Variants in UGT1A4 observed in about 807,000 individuals in gnomAD.
UGT1A4 encodes the protein UDP-glucuronosyltransferase 1A4.
In UGT1A4, 32 loss-of-function variants were observed where a neutral mutation model predicts 41.1. The ratio of observed to expected loss-of-function variants is 0.78; its 90% CI spans 0.59 to 1.05. UGT1A4 has a LOEUF of 1.05. Among genes scored for constraint, UGT1A4 ranks in the 50% least tolerant of loss-of-function variants. The pLI, the probability that UGT1A4 is intolerant of heterozygous loss-of-function variation, is 0.00. For synonymous variants in UGT1A4, 283 were observed against 265.1 expected (o/e 1.07, Z -0.66); for missense variants, 748 against 677.4 (o/e 1.10, Z -1.16).
intron 1 of UGT1A4, among the ~76,000 whole-genome samples, chr2:233,757,321 C>G (rs1250382430): frequency 6.6e-6 from 1 of 150,460 alleles, no homozygotes; most frequent in Non-Finnish European, 1.5e-5. Context: ...GGCTGGGGCC[C>G]TGAAATGGGA....
chr2:233,735,011 C>T (rs554046277), intron 1 of UGT1A4, among the ~76,000 whole-genome samples: 7 of 152,192 alleles, frequency 4.6e-5, no homozygotes, highest in Non-Finnish European at 1.0e-4. Flanking sequence ...GTGGAGAGTT[C>T]TGTAGATGTC....
chr2:233,723,031 G>A (rs925471070), intron 1 of UGT1A4, among the ~76,000 whole-genome samples: 9 of 143,556 alleles, frequency 6.3e-5, no homozygotes, highest in Admixed American at 1.4e-4. Context: ...AAGGGCCAGC[G>A]GGAGAGGCAG....
intron 1 of UGT1A4, among the ~76,000 whole-genome samples, chr2:233,724,318 C>T (rs1409125726): frequency 1.2e-4 from 17 of 142,986 alleles, no homozygotes; most frequent in African/African-American, 3.4e-4. Context: ...CCGGACGGGG[C>T]GGCTGGCCAG....
chr2:233,761,029 T>C (rs769198771), intron 1 of UGT1A4: 2 of 1,614,178 alleles, frequency 1.2e-6, no homozygotes, highest in East Asian at 2.2e-5. Context: ...CCAGGACCTA[T>C]TGAGCTCTGC....
Position 233,767,315 on chromosome 2 carries a change from T to C in UGT1A4, c.999+150T>C, listed in dbSNP as rs1407711365. 9 of 1,492,214 alleles carry C rather than the reference T, an allele frequency of 6.0e-6. No individual in the cohort carries two copies. The East Asian group carries it at 1.9e-4, about 32-fold the overall frequency. The allele number at this position is 1,492,214 out of a possible 1,614,324, so 92.4% of individuals were successfully genotyped here. A position where few individuals can be genotyped will look rare whatever the true frequency, so the allele number is the denominator to read the frequency against. The stretch of plus-strand genomic sequence containing the variant: ...ACTATTAATCCAAAGGTTTTTTTTG[T>C]TGTTGTGGTTGTTGTCATTGTTTTC... On this transcript the variant is annotated intron_variant, in intron 2 of 4. Coordinates refer to ENST00000373409, the MANE Select transcript of UGT1A4 (RefSeq NM_007120.3).
intron 1 of UGT1A4, chr2:233,743,548 C>T (rs61744897): frequency 1.5e-6 from 2 of 1,367,296 alleles, no homozygotes; most frequent in Non-Finnish European, 2.0e-6. Flanking sequence ...CTGACCCCCC[C>T]AAAATATTCT....
intron 3 of UGT1A4, 51 bp from the exon 4 acceptor site, chr2:233,768,169 T>G: frequency 1.9e-6 from 3 of 1,613,804 alleles, no homozygotes; most frequent in Non-Finnish European, 2.5e-6. Context: ...TGTGTCCAGC[T>G]GTGAAACTCA....
chr2:233,754,698 G>A (rs1338338783), intron 1 of UGT1A4: 2 of 506,588 alleles, frequency 3.9e-6, no homozygotes, highest in African/African-American at 2.0e-5. Context: ...AGTGGAAGTC[G>A]ACATGGACTT....
chr2:233,743,056 A>C (rs955838724), intron 1 of UGT1A4: 1 of 325,656 alleles, frequency 3.1e-6, no homozygotes, highest in Non-Finnish European at 6.0e-6. Flanking sequence ...AGTCCCAACG[A>C]TAAGAACAGG....
In UGT1A4 at chr2:233,760,224, G is replaced by C. The variant is rs873478; in HGVS notation, c.868-6810G>C. 2,101 of 1,586,308 alleles carry C rather than the reference G, an allele frequency of 1.3e-3. 36 individuals are homozygous for C. The East Asian group carries it at 0.037, about 28-fold the overall frequency. ...CAAACATTAACTTGGTGTATCGATT[G>C]GTTTTTGCCATATATATATATATAA... is the stretch of plus-strand genomic sequence containing the variant. On this transcript the variant is annotated intron_variant, in intron 1 of 4. Coordinates refer to ENST00000373409, the MANE Select transcript of UGT1A4 (RefSeq NM_007120.3).
At chr2:233,754,954 C>A (rs761740156) in intron 1 of UGT1A4, 10 of 1,315,520 alleles carry the variant, frequency 7.6e-6, no homozygotes, top group Non-Finnish European at 9.2e-6. Flanking sequence ...GGGTCCCGGC[C>A]GCCAAAGAAC....
rs1258988641 is a variant in UGT1A4, at chr2:233,719,054, A to G, written c.234A>G (p.Thr78=). 3 of 1,614,260 alleles carry G rather than the reference A, an allele frequency of 1.9e-6. No homozygotes were observed. Among genetic ancestry groups the G allele is most frequent in the Non-Finnish European group, 2.5e-6 (3 of 1,180,044 alleles). Residue 78 remains threonine, a synonymous_variant, in exon 1 of 5, where the codon ACA becomes ACG. Transcript: ENST00000373409. ...HIKEEKFFTL[T]AYAVPWTQKE... is the part of the protein sequence containing the mutation. ...AAGAAGAGAAATTTTTCACCCTGAC[A>G]GCCTATGCTGTTCCATGGACCCAGA...
intron 2 of UGT1A4, 137 bp downstream of exon 2, chr2:233,767,302 A>C (rs951994488): frequency 6.5e-7 from 1 of 1,534,936 alleles, no homozygotes; most frequent in Non-Finnish European, 8.7e-7. Context: ...TATTAATCCA[A>C]AGGTTTTTTT....
chr2:233,750,944 CAG>C (rs1694596562), intron 1 of UGT1A4, among the ~76,000 whole-genome samples: 3 of 152,000 alleles, frequency 2.0e-5, no homozygotes, highest in Middle Eastern at 3.4e-3. Flanking sequence ...AGCCCCCACA[CAG>C]AGTCTCCACT....
intron 1 of UGT1A4, chr2:233,754,561 A>G (rs1695515427): frequency 2.5e-6 from 1 of 393,304 alleles, no homozygotes; most frequent in Non-Finnish European, 5.1e-6. Context: ...GTCAATGGGG[A>G]GCAACTGCTC....
At chr2:233,745,000 A>T in intron 1 of UGT1A4, among the ~76,000 whole-genome samples, 1 of 151,770 alleles carries the variant, frequency 6.6e-6, no homozygotes, top group Non-Finnish European at 1.5e-5. Context: ...GATTACTTTT[A>T]CCTAATAAAT....
At chr2:233,755,130 T>C (rs191550208) in intron 1 of UGT1A4, 4 of 1,321,300 alleles carry the variant, frequency 3.0e-6, no homozygotes, top group African/African-American at 1.5e-5. Flanking sequence ...AGCCACCTGC[T>C]TGAATCTTCT....
chr2:233,748,192 G>A, intron 1 of UGT1A4: 1 of 1,554,576 alleles, frequency 6.4e-7, no homozygotes, highest in South Asian at 1.2e-5. Flanking sequence ...TTTTATTTCT[G>A]CTTGTCGTAA....
At chr2:233,743,731 G>C (rs373030535) in intron 1 of UGT1A4, 1 of 1,367,360 alleles carries the variant, frequency 7.3e-7, no homozygotes, top group East Asian at 4.5e-5. Flanking sequence ...CATAGATATC[G>C]CGTTTCTTGG....
Sources: allele counts gnomAD v4.1 joint callset (sites outside exome capture counted in the v4.1 genomes callset), GRCh38; gene constraint gnomAD v4.1.1; transcripts MANE v1.5; gene names NCBI Gene and HGNC (gene_info 2026-07-23, HGNC 2026-07-21).